UNC13C: variants seen among roughly 807,000 people sequenced by gnomAD.
UNC13C encodes the protein protein unc-13 homolog C.
Under a neutral mutation model 245.4 loss-of-function variants are expected in UNC13C, and 174 were observed. The ratio of observed to expected loss-of-function variants is 0.71; its 90% CI spans 0.63 to 0.80. UNC13C has a LOEUF of 0.80. Ranked by LOEUF, UNC13C falls within the 30% of genes least tolerant of loss-of-function variation. UNC13C has a pLI of 0.00. For synonymous variants in UNC13C, 992 were observed against 895.1 expected, an observed-to-expected ratio of 1.11 and a Z score of -1.93; for missense variants, 2,829 against 2,602.9, an observed-to-expected ratio of 1.09 and a Z score of -1.89.
Position 54,322,099 on chromosome 15 carries a change from A to G in UNC13C, c.4425+4A>G. On this transcript the variant is annotated splice_donor_region_variant and intron_variant, in intron 14 of 32. Transcript: ENST00000260323. Reference sequence around the variant, plus strand: ...ATTTGCTGCTACCAACTTTGGTGTAAGTATAATTTTTTAAACTTTAAAATT... The same window carrying G: ...ATTTGCTGCTACCAACTTTGGTGTAGGTATAATTTTTTAAACTTTAAAATT... The G allele has an allele frequency of 6.5e-7, 1 of 1,548,768 alleles. No individual in the cohort carries two copies. The highest frequency in any genetic ancestry group is 1.4e-5 in the African/African-American group (1 of 72,530).
chr15:54,350,352 A>C (rs2038954655), intron 17 of UNC13C, among the ~76,000 whole-genome samples: 1 of 152,196 alleles, frequency 6.6e-6, no homozygotes, highest in African/African-American at 2.4e-5. Context: ...GACTGAAAAA[A>C]ATAGGCAAAC....
the UNC13C span, among the ~76,000 whole-genome samples, chr15:53,861,803 A>T: frequency 2.6e-5 from 4 of 152,136 alleles, no homozygotes; most frequent in African/African-American, 4.8e-5. Context: ...TCCATGGAAG[A>T]TAGGTAAAAG....
At chr15:53,866,462 G>T in the UNC13C span, among the ~76,000 whole-genome samples, 2,007 of 152,292 alleles carry the variant, frequency 0.013, 25 homozygotes, top group Middle Eastern at 0.051. Context: ...GATTTAACAA[G>T]TTTAAATGAA....
intron 1 of UNC13C, among the ~76,000 whole-genome samples, chr15:53,997,955 ACC>A (rs1894710217): frequency 6.6e-6 from 1 of 152,020 alleles, no homozygotes; most frequent in East Asian, 1.9e-4. Context: ...GGTGTGCGCC[ACC>A]ATGACCAGCT....
At chr15:53,916,600 T>G in the UNC13C span, among the ~76,000 whole-genome samples, 1 of 152,166 alleles carries the variant, frequency 6.6e-6, no homozygotes, top group Non-Finnish European at 1.5e-5. Flanking sequence ...ACCTAGAAGC[T>G]CTATGCAGTG....
intron 2 of UNC13C, among the ~76,000 whole-genome samples, chr15:54,102,788 G>A (rs189380418): frequency 6.6e-6 from 1 of 152,132 alleles, no homozygotes; most frequent in Non-Finnish European, 1.5e-5. Context: ...TGCACCCCAG[G>A]GGTGTTCACC....
chr15:53,975,287 G>T (rs917479049), upstream of UNC13C, among the ~76,000 whole-genome samples: 4 of 152,086 alleles, frequency 2.6e-5, no homozygotes, highest in African/African-American at 9.7e-5. Context: ...CCAAATAGTC[G>T]TTCTCCTATA....
chr15:54,604,035 T>G (rs1486098866), intron 30 of UNC13C, among the ~76,000 whole-genome samples: 3 of 152,158 alleles, frequency 2.0e-5, no homozygotes, highest in Non-Finnish European at 4.4e-5. Context: ...ACATGCCTGG[T>G]ACACGGTTTT....
the UNC13C span, among the ~76,000 whole-genome samples, chr15:53,929,527 T>G: frequency 6.6e-6 from 1 of 152,120 alleles, no homozygotes; most frequent in Non-Finnish European, 1.5e-5. Flanking sequence ...AAAATTAATA[T>G]TTAGAAATGT....
chr15:54,473,253 GT>G (rs1341386665), intron 19 of UNC13C, among the ~76,000 whole-genome samples: 1 of 151,520 alleles, frequency 6.6e-6, no homozygotes, highest in Non-Finnish European at 1.5e-5. Context: ...TTATACATAT[GT>G]ATGGGACATA....
chr15:53,880,793 G>T, the UNC13C span, among the ~76,000 whole-genome samples: 1 of 151,358 alleles, frequency 6.6e-6, no homozygotes, highest in East Asian at 1.9e-4. Context: ...AAATAAGATG[G>T]CAATTATTGC....
chr15:54,344,995 A>G (rs1427717163), intron 17 of UNC13C, among the ~76,000 whole-genome samples: 1 of 152,184 alleles, frequency 6.6e-6, no homozygotes, highest in Non-Finnish European at 1.5e-5. Context: ...ACTCTTCTGC[A>G]TAGAATGTTT....
downstream of UNC13C, chr15:54,629,243 C>T (rs1264435553): frequency 6.6e-6 from 1 of 152,052 alleles, no homozygotes; most frequent in East Asian, 1.9e-4. Context: ...GATGAGGACA[C>T]ATGGACACTA....
chr15:54,379,753 T>G (rs1567226892), intron 17 of UNC13C, among the ~76,000 whole-genome samples: 2 of 152,164 alleles, frequency 1.3e-5, no homozygotes, highest in Non-Finnish European at 2.9e-5. Context: ...CTGTGAATAT[T>G]GGCCCCAATT....
chr15:53,881,202 G>C, the UNC13C span, among the ~76,000 whole-genome samples: 1 of 152,080 alleles, frequency 6.6e-6, no homozygotes, highest in Non-Finnish European at 1.5e-5. Flanking sequence ...CTGTGAAGGA[G>C]GAACATATAA....
intron 19 of UNC13C, among the ~76,000 whole-genome samples, chr15:54,490,018 C>G (rs550810668): frequency 1.4e-4 from 21 of 152,208 alleles, no homozygotes; most frequent in African/African-American, 5.1e-4. Flanking sequence ...ACTGAGCTCC[C>G]CTGTTTCTGT....
intron 24 of UNC13C, among the ~76,000 whole-genome samples, chr15:54,519,486 A>G (rs566930580): frequency 1.3e-5 from 2 of 152,206 alleles, no homozygotes; most frequent in East Asian, 1.9e-4. Flanking sequence ...TGACAGTTGG[A>G]TTTACTGCAT....
At chr15:54,077,722 A>G (rs536207292) in intron 2 of UNC13C, among the ~76,000 whole-genome samples, 5 of 152,048 alleles carry the variant, frequency 3.3e-5, no homozygotes, top group Non-Finnish European at 7.4e-5. Flanking sequence ...GTCCCATAAC[A>G]TCTAATTAAA....
intron 16 of UNC13C, among the ~76,000 whole-genome samples, chr15:54,337,073 T>C (rs1332120482): frequency 6.6e-6 from 1 of 152,172 alleles, no homozygotes; most frequent in African/African-American, 2.4e-5. Flanking sequence ...AATCAGACTT[T>C]TACTCTCTCA....
Sources: gnomAD v4.1 joint callset for allele counts (sites outside exome capture counted in the v4.1 genomes callset) on GRCh38, gnomAD v4.1.1 for gene constraint, MANE v1.5 for transcripts, NCBI Gene and HGNC (gene_info 2026-07-23, HGNC 2026-07-21) for gene names.